Variants in DNAH5 observed in about 807,000 individuals in gnomAD.
DNAH5 encodes the protein axonemal beta dynein heavy chain 5.
Under a neutral mutation model 518.2 loss-of-function variants are expected in DNAH5, and 372 were observed. That is an observed-to-expected ratio of 0.72 (90% CI 0.66 to 0.78). The LOEUF is 0.78. DNAH5 is among the 30% of genes least tolerant of loss of function. The pLI is 0.00. For missense variants in DNAH5, 5,523 were observed against 5,687.0 expected (o/e 0.97, Z 0.93); for synonymous variants, 2,039 against 2,025.9 (o/e 1.01, Z -0.17).
intron 55 of DNAH5, among the ~76,000 whole-genome samples, chr5:13,775,049 C>A (rs572134131): frequency 1.0e-4 from 15 of 149,208 alleles, no homozygotes; most frequent in African/African-American, 3.7e-4. Context: ...GTTTTAAAAT[C>A]TTTTTTTTAA....
chr5:13,797,517 C>T (rs138079071), intron 47 of DNAH5, among the ~76,000 whole-genome samples: 29,859 of 151,990 alleles, frequency 0.2, 3,173 homozygotes, highest in East Asian at 0.54. Context: ...CCATCTCATG[C>T]CAATCAGAAT....
intron 1 of DNAH5, among the ~76,000 whole-genome samples, chr5:13,961,039 A>G (rs544848066): frequency 9.3e-4 from 142 of 152,284 alleles, no homozygotes; most frequent in Non-Finnish European, 1.8e-3. Flanking sequence ...AAGAAATTGG[A>G]ATGAGTTTCC....
chr5:13,703,866 T>A (rs142696537), intron 76 of DNAH5, among the ~76,000 whole-genome samples: 1 of 152,206 alleles, frequency 6.6e-6, no homozygotes, highest in African/African-American at 2.4e-5. Flanking sequence ...TGCAGTTAGG[T>A]TGGGTCCAAG....
intron 50 of DNAH5, among the ~76,000 whole-genome samples, chr5:13,791,045 C>A (rs960558260): frequency 6.6e-6 from 1 of 151,978 alleles, no homozygotes; most frequent in Admixed American, 6.6e-5. Flanking sequence ...TGGAACAAAC[C>A]TTCACGTGTA....
chr5:13,911,420 T>A lies in DNAH5; in HGVS notation c.1610A>T (p.Tyr537Phe), dbSNP rs1405622369. The A allele has an allele frequency of 6.2e-7, 1 of 1,613,932 alleles. No individual in the cohort carries two copies. Among genetic ancestry groups the A allele is most frequent in the Non-Finnish European group, 8.5e-7 (1 of 1,179,978 alleles). ...ATTAGTCTGCTTGCAAAACTCTTCG[T>A]AATCTTGGTCAAAATCCATTTTCCG... ...DQRKMDFDQD[Y>F]EEFCKQTNDL... Residue 537 changes from tyrosine to phenylalanine, a missense_variant, in exon 12 of 79, where the codon TAC (tyrosine) becomes TTC (phenylalanine). Tyr to Phe is a conservative substitution (Grantham distance 22, BLOSUM62 3). Transcript: ENST00000265104.
intron 68 of DNAH5, among the ~76,000 whole-genome samples, chr5:13,730,988 GCCAC>G (rs1363071476): frequency 2.6e-5 from 4 of 152,130 alleles, no homozygotes; most frequent in Non-Finnish European, 5.9e-5. Context: ...AAAGGCATGA[GCCAC>G]CGCGCCCGGC....
chr5:13,831,882 G>A (rs1763711184), intron 35 of DNAH5, among the ~76,000 whole-genome samples: 1 of 152,170 alleles, frequency 6.6e-6, no homozygotes, highest in African/African-American at 2.4e-5. Flanking sequence ...GGAAGCTACT[G>A]TTCCTTTCCC....
chr5:13,826,399 T>C (rs923106856), intron 38 of DNAH5, among the ~76,000 whole-genome samples: 1 of 152,194 alleles, frequency 6.6e-6, no homozygotes, highest in Non-Finnish European at 1.5e-5. Context: ...CCAAATCTCA[T>C]CCTGAACTGT....
At chr5:13,772,289 T>C (rs1235645271) in intron 55 of DNAH5, among the ~76,000 whole-genome samples, 1 of 152,264 alleles carries the variant, frequency 6.6e-6, no homozygotes, top group Non-Finnish European at 1.5e-5. Flanking sequence ...TATCATGTAA[T>C]GATTTTCTTT....
chr5:13,874,802 C>T (rs1475699461), intron 22 of DNAH5, among the ~76,000 whole-genome samples: 1 of 152,140 alleles, frequency 6.6e-6, no homozygotes, highest in Non-Finnish European at 1.5e-5. Flanking sequence ...CAGACATGGG[C>T]CACTACATCC....
chr5:13,834,440 A>AC (rs1323213017), intron 35 of DNAH5, among the ~76,000 whole-genome samples: 1 of 152,222 alleles, frequency 6.6e-6, no homozygotes, highest in Non-Finnish European at 1.5e-5. Flanking sequence ...GTTCTTCTGT[A>AC]CCATGTAAAT....
intron 12 of DNAH5, among the ~76,000 whole-genome samples, chr5:13,906,346 A>G (rs1775289788): frequency 6.6e-6 from 1 of 152,174 alleles, no homozygotes; most frequent in Admixed American, 6.5e-5. Context: ...GAGGCTATGC[A>G]TTCTGGGGGA....
intron 1 of DNAH5, among the ~76,000 whole-genome samples, chr5:13,964,896 CCT>C (rs1179529301): frequency 2.6e-5 from 4 of 152,232 alleles, no homozygotes; most frequent in Admixed American, 2.6e-4. Flanking sequence ...CCCTAAATCT[CCT>C]CTCTTTTGTC....
chr5:13,716,704 T>C lies in DNAH5; in HGVS notation c.12706-14A>G. 3.2e-6 allele frequency: 5 copies of C among 1,574,880 alleles called. No homozygotes were observed. In the East Asian group the frequency reaches 6.7e-5, roughly 21 times the overall value. On this transcript the variant is annotated splice_polypyrimidine_tract_variant and intron_variant, in intron 73 of 78. Transcript: ENST00000265104. ...CCAGGAGACACCCTGGGAAATTTTATAGAATAATTATGTAGAACTGACTAC... is the reference window on the plus strand; with the variant it reads ...CCAGGAGACACCCTGGGAAATTTTACAGAATAATTATGTAGAACTGACTAC...
intron 78 of DNAH5, among the ~76,000 whole-genome samples, chr5:13,697,058 T>C (rs908357018): frequency 2.0e-5 from 3 of 152,242 alleles, no homozygotes; most frequent in African/African-American, 2.4e-5. Context: ...TGGATTTTTA[T>C]AGTTTAGTCA....
chr5:13,933,348 C>G (rs1241546884), intron 1 of DNAH5, among the ~76,000 whole-genome samples: 2 of 152,104 alleles, frequency 1.3e-5, no homozygotes, highest in Non-Finnish European at 2.9e-5. Flanking sequence ...AAATATTTGT[C>G]AAATGAATGA....
chr5:13,884,635 G>T (rs957012424), intron 19 of DNAH5, among the ~76,000 whole-genome samples: 1 of 152,292 alleles, frequency 6.6e-6, no homozygotes, highest in African/African-American at 2.4e-5. Context: ...TCAGGAGTTC[G>T]CCACCAGCGT....
chr5:13,807,534 A>G lies in DNAH5; in HGVS notation c.7887+57T>C, dbSNP rs895005092. On this transcript the variant is annotated intron_variant, in intron 47 of 78. Transcript: ENST00000265104. ...ATTGAAGCAGAATAGTAGAGATTTG[A>G]GCCTCCAAAGTTTATCACAAAATTG... 2.6e-6 allele frequency: 4 copies of G among 1,548,336 alleles called. No individual in the cohort carries two copies. The African/African-American group carries it at 5.5e-5, about 21-fold the overall frequency.
chr5:13,751,996 A>T, intron 64 of DNAH5, 138 bp downstream of exon 64: 1 of 871,830 alleles, frequency 1.1e-6, no homozygotes, highest in South Asian at 1.4e-5. Context: ...CAAAGTCAAG[A>T]AGTGTAGAAG....
Sources: gnomAD v4.1 joint callset for allele counts (sites outside exome capture counted in the v4.1 genomes callset) on GRCh38, gnomAD v4.1.1 for gene constraint, MANE v1.5 for transcripts, NCBI Gene and HGNC (gene_info 2026-07-23, HGNC 2026-07-21) for gene names.